Variants in PCDH15 observed in about 807,000 individuals in gnomAD.
PCDH15 encodes protocadherin-15.
Under a neutral mutation model 178.5 loss-of-function variants are expected in PCDH15, and 129 were observed. The ratio of observed to expected loss-of-function variants is 0.72; its 90% confidence interval spans 0.63 to 0.84. The LOEUF (loss-of-function observed/expected upper bound fraction) is 0.84, where lower values mean the gene tolerates loss of function less well. PCDH15 is among the 40% of genes least tolerant of loss of function. PCDH15 has a pLI of 0.00. For missense variants in PCDH15, 2,230 were observed against 2,099.9 expected, an observed-to-expected ratio of 1.06 and a Z score of -1.21; for synonymous variants, 800 against 732.0, an observed-to-expected ratio of 1.09 and a Z score of -1.50.
At chr10:53,947,257 A>T (rs2086653270) in intron 23 of PCDH15, among the ~76,000 whole-genome samples, 1 of 152,178 alleles carries the variant, frequency 6.6e-6, no homozygotes, top group African/African-American at 2.4e-5. Flanking sequence ...ATTACAATTT[A>T]AAATCTACTT....
intron 1 of PCDH15, among the ~76,000 whole-genome samples, chr10:54,665,721 T>TTTATC (rs1241316080): frequency 6.6e-6 from 1 of 152,030 alleles, no homozygotes; most frequent in African/African-American, 2.4e-5. Flanking sequence ...TCTTTGTTTC[T>TTTATC]TTATCTAAGA....
At position 54,777,846 on chromosome 10, in the gene PCDH15, G is replaced by A. The variant is rs1435239277; in HGVS notation, c.-29+23079C>T. On this transcript the variant is annotated intron_variant, in intron 1 of 37. Coordinates refer to ENST00000644397, the MANE Select transcript of PCDH15 (RefSeq NM_001384140.1). ...ATTTATAGCAAAGCTGGAAACGAGG[G>A]CCTCTTAAGAGTTTTCCAAAGTATG... 4.6e-5 allele frequency among the ~76,000 whole-genome samples: 7 copies of A among 152,142 alleles called. No individual in the cohort carries two copies. The South Asian group carries it at 6.2e-4, about 13-fold the overall frequency.
intron 3 of PCDH15, among the ~76,000 whole-genome samples, chr10:54,883,101 G>GT (rs34355720): frequency 0.97 from 147,481 of 151,876 alleles, 71,747 homozygotes; most frequent in East Asian, 1. Context: ...AGAGAAAGTG[G>GT]TTTTTCTCTG....
At chr10:54,658,259 G>A (rs1590883296) in intron 2 of PCDH15, among the ~76,000 whole-genome samples, 1 of 151,900 alleles carries the variant, frequency 6.6e-6, no homozygotes, top group African/African-American at 2.4e-5. Flanking sequence ...TCAGAGAGGA[G>A]GACATCCAGA....
At chr10:55,571,475 A>G (rs1057388515) in intron 2 of PCDH15, among the ~76,000 whole-genome samples, 1 of 152,090 alleles carries the variant, frequency 6.6e-6, no homozygotes, top group Non-Finnish European at 1.5e-5. Flanking sequence ...AATATGAAAA[A>G]AGTAATAAGT....
intron 13 of PCDH15, among the ~76,000 whole-genome samples, chr10:54,169,934 G>A (rs11498097): frequency 0.72 from 105,884 of 147,724 alleles, 38,978 homozygotes; most frequent in Middle Eastern, 0.79. Context: ...TCCACCCCGT[G>A]CTGCCAAACC....
At chr10:54,816,867 G>A (rs1282131120) in intron 3 of PCDH15, among the ~76,000 whole-genome samples, 1 of 151,986 alleles carries the variant, frequency 6.6e-6, no homozygotes, top group Non-Finnish European at 1.5e-5. Context: ...ACAGTTTTGA[G>A]CTACATTGAC....
intron 2 of PCDH15, among the ~76,000 whole-genome samples, chr10:54,538,484 C>T (rs984413190): frequency 3.3e-5 from 5 of 151,840 alleles, no homozygotes; most frequent in South Asian, 2.1e-4. Flanking sequence ...TATTTTGTAC[C>T]AATAACATGT....
chr10:55,387,369 C>T (rs536761782), intron 2 of PCDH15, among the ~76,000 whole-genome samples: 1 of 152,130 alleles, frequency 6.6e-6, no homozygotes, highest in Non-Finnish European at 1.5e-5. Context: ...AACCATGTCA[C>T]TTTTTATATT....
rs373851829 is a variant in PCDH15, at chr10:54,779,458, ATG to A, written c.-29+21465_-29+21466del. On this transcript the variant is annotated intron_variant, in intron 1 of 37. Transcript: ENST00000644397. The stretch of plus-strand genomic sequence containing the variant: ...TGTGTATATATATATACACTCATAT[ATG>A]TGTGTATATATATACACACATATAT... Among the ~76,000 whole-genome samples, 570 of 57,104 alleles carry A rather than the reference ATG, an allele frequency of 1.0e-2. 18 individuals carry two copies. The highest frequency in any genetic ancestry group is 0.029 in the African/African-American group (496 of 17,102). 37.5% of individuals were successfully genotyped at this position (57,104 alleles called of 152,430 possible).
intron 32 of PCDH15, chr10:53,823,889 A>C (rs2076490085): frequency 2.4e-6 from 1 of 414,926 alleles, no homozygotes; most frequent in African/African-American, 2.0e-5. Context: ...CACCAAGGAC[A>C]GATGGGAGTT....
intron 10 of PCDH15, among the ~76,000 whole-genome samples, chr10:54,205,879 T>G (rs1242491129): frequency 6.6e-6 from 1 of 152,086 alleles, no homozygotes; most frequent in Non-Finnish European, 1.5e-5. Context: ...AAATAACTGT[T>G]GTATGCTGTA....
intron 3 of PCDH15, among the ~76,000 whole-genome samples, chr10:54,425,008 T>TAAAAAA (rs777958846): frequency 9.3e-6 from 1 of 107,668 alleles, no homozygotes. Flanking sequence ...TAAAGTATAA[T>TAAAAAA]AAAAAAAAAA....
rs149228858 is a variant in PCDH15, at chr10:55,191,851, G to A, written c.-155-25200C>T. Among the ~76,000 whole-genome samples, 51 of 151,684 alleles carry A rather than the reference G, an allele frequency of 3.4e-4. No homozygotes were observed. In the Middle Eastern group the frequency reaches 0.02, roughly 61 times the overall value. ...CAAACAATTTTCATGAGATTCATACGGCACTTTTTTTCTTTCTTGTTCTCA... is the reference window on the plus strand; with the variant it reads ...CAAACAATTTTCATGAGATTCATACAGCACTTTTTTTCTTTCTTGTTCTCA... On this transcript the variant is annotated intron_variant, in intron 1 of 5. Transcript: ENST00000458638.
intron 2 of PCDH15, among the ~76,000 whole-genome samples, chr10:55,327,906 AT>A (rs1844077221): frequency 6.6e-6 from 1 of 152,034 alleles, no homozygotes; most frequent in African/African-American, 2.4e-5. Flanking sequence ...GACTTCATTC[AT>A]GTTTATTGGC....
At chr10:54,150,753 T>G (rs994382068) in intron 14 of PCDH15, among the ~76,000 whole-genome samples, 8 of 152,082 alleles carry the variant, frequency 5.3e-5, no homozygotes, top group Non-Finnish European at 7.4e-5. Flanking sequence ...TTAATTATTT[T>G]GGGGGATTTC....
intron 2 of PCDH15, among the ~76,000 whole-genome samples, chr10:55,114,257 G>C (rs1837577880): frequency 1.3e-5 from 2 of 152,128 alleles, no homozygotes; most frequent in South Asian, 4.1e-4. Flanking sequence ...GGCCAAAAAA[G>C]TATTTTAAAG....
At chr10:53,875,534 CAA>C (rs564173858) in intron 26 of PCDH15, among the ~76,000 whole-genome samples, 12 of 151,844 alleles carry the variant, frequency 7.9e-5, no homozygotes, top group Admixed American at 5.9e-4. Context: ...CAGTTCACAA[CAA>C]AGTCATTAAT....
intron 32 of PCDH15, among the ~76,000 whole-genome samples, chr10:53,820,732 T>G (rs1156790345): frequency 6.6e-6 from 1 of 151,988 alleles, no homozygotes; most frequent in African/African-American, 2.4e-5. Flanking sequence ...ATAGTTTCCT[T>G]AGGAAGGAAG....
Sources: allele counts gnomAD v4.1 joint callset (sites outside exome capture counted in the v4.1 genomes callset), GRCh38; gene constraint gnomAD v4.1.1; transcripts MANE v1.5; gene names NCBI Gene and HGNC (gene_info 2026-07-23, HGNC 2026-07-21).